The following RYR1 variants were observed in gnomAD, a reference collection of about 807,000 sequenced individuals.
The protein encoded by RYR1 is ryanodine receptor 1, also known as central core disease of muscle.
In RYR1, 342 loss-of-function variants were observed where a neutral mutation model predicts 583.5. The ratio of observed to expected loss-of-function variants is 0.59; its 90% CI spans 0.54 to 0.64. The LOEUF is 0.64. Ranked by LOEUF, RYR1 falls within the 30% of genes least tolerant of loss-of-function variation. The probability of loss-of-function intolerance (pLI) is 0.00; values close to 1 mark genes in which losing one functional copy is unlikely to be tolerated. For synonymous variants in RYR1, 2,791 were observed against 2,822.5 expected (o/e 0.99, Z 0.35); for missense variants, 6,032 against 6,917.2 (o/e 0.87, Z 4.54).
At chr19:38,502,427 T>C in intron 47 of RYR1, 80 bp from the exon 48 acceptor site, 1 of 1,355,028 alleles carries the variant, frequency 7.4e-7, no homozygotes, top group South Asian at 1.2e-5. Flanking sequence ...TTGGATCCTT[T>C]GGCCACAGTC....
At chr19:38,471,296 A>G (rs1049467884) in intron 27 of RYR1, among the ~76,000 whole-genome samples, 50 of 152,332 alleles carry the variant, frequency 3.3e-4, no homozygotes, top group African/African-American at 1.2e-3. Context: ...TGGGAAGCCA[A>G]GGTGGGAGGA....
chr19:38,513,292 G>A (rs1236842965), intron 63 of RYR1, among the ~76,000 whole-genome samples: 7 of 151,898 alleles, frequency 4.6e-5, no homozygotes, highest in East Asian at 1.9e-4. Context: ...CACCAAGATC[G>A]TGCCATTGCA....
chr19:38,528,925 TCCC>T (rs35331079), intron 75 of RYR1, 23 bp from the exon 76 acceptor site: 1 of 1,599,988 alleles, frequency 6.3e-7, no homozygotes, highest in African/African-American at 1.3e-5. Context: ...AGAAACCCTC[TCCC>T]CAAGTCTCCC....
intron 97 of RYR1, among the ~76,000 whole-genome samples, chr19:38,577,530 C>T (rs890836488): frequency 6.6e-5 from 10 of 152,080 alleles, no homozygotes; most frequent in African/African-American, 2.2e-4. Flanking sequence ...GGCACGGTGG[C>T]TCACGCCTGT....
intron 60 of RYR1, 32 bp from the exon 61 acceptor site, chr19:38,511,529 C>G (rs778855657): frequency 3.1e-6 from 5 of 1,612,800 alleles, no homozygotes; most frequent in Non-Finnish European, 4.2e-6. Context: ...CTCGCTGTTT[C>G]TCCTGCCTTC....
chr19:38,508,283 C>T (rs1046418513), intron 58 of RYR1, among the ~76,000 whole-genome samples: 13 of 152,050 alleles, frequency 8.5e-5, no homozygotes, highest in Admixed American at 1.3e-4. Flanking sequence ...GGTCTCGGCT[C>T]ACTGCAACCT....
In RYR1 at chr19:38,493,882, G is replaced by A. The variant is rs147724887; in HGVS notation, c.6275-470G>A. On this transcript the variant is annotated intron_variant, in intron 38 of 105. Transcript: ENST00000359596. ...ACATGTGCCTTCAAAGGTGCATGGC[G>A]AAGTGCTTCTGGTCGGCTCTGGTAT... Among the ~76,000 whole-genome samples the A allele has an allele frequency of 1.6e-3, 246 of 152,252 alleles. 1 individual carries two copies. The highest frequency in any genetic ancestry group is 5.7e-3 in the African/African-American group (237 of 41,538).
intron 69 of RYR1, 41 bp from the exon 70 acceptor site, chr19:38,523,874 G>A (rs1033375129): frequency 1.2e-6 from 2 of 1,613,836 alleles, no homozygotes; most frequent in Non-Finnish European, 1.7e-6. Flanking sequence ...TGCGGGGCTG[G>A]GGTAACCCTT....
intron 69 of RYR1, 152 bp from the exon 70 acceptor site, chr19:38,523,763 C>T (rs898747103): frequency 4.2e-6 from 4 of 959,084 alleles, no homozygotes; most frequent in South Asian, 1.4e-5. Context: ...AACGACCCCC[C>T]ACCCCGAGCC....
At position 38,537,880 on chromosome 19, in the gene RYR1, G is replaced by A. The variant is rs1249167528; in HGVS notation, c.11609G>A (p.Gly3870Glu). 6.2e-7 allele frequency: 1 copy of A among 1,612,154 alleles called. No individual in the cohort carries two copies. The highest frequency in any genetic ancestry group is 8.5e-7 in the Non-Finnish European group (1 of 1,179,006). The change falls in exon 84 of 106, where the codon GGA becomes GAA. Residue 3870 changes from glycine to glutamate, a missense_variant and splice_region_variant. By Grantham distance (98) the Gly-to-Glu change is moderately conservative. Coordinates refer to ENST00000359596, the MANE Select transcript of RYR1 (RefSeq NM_000540.3). ...EDGTVINRQNGEKVMADDEFT... is the reference protein window; with the variant it reads ...EDGTVINRQNEEKVMADDEFT... ...GCCCTGTCCCCTCCCTTCCACCTAG[G>A]AGAGAAGGTCATGGCGGATGATGAA... is the stretch of plus-strand genomic sequence containing the variant.
At chr19:38,457,731 A>G (rs767326537) in intron 17 of RYR1, 101 bp downstream of exon 17, 11 of 1,257,334 alleles carry the variant, frequency 8.7e-6, no homozygotes, top group Non-Finnish European at 1.0e-5. Flanking sequence ...TTAATCTCCC[A>G]CCCCAGGGTT....
chr19:38,501,358 C>T (rs1380182752), intron 47 of RYR1, among the ~76,000 whole-genome samples: 5 of 152,090 alleles, frequency 3.3e-5, no homozygotes, highest in East Asian at 1.9e-4. Context: ...ATTAGCCAGA[C>T]GTGGTGGCGC....
rs555897849 is a variant in RYR1 at position 38,536,633 on chromosome 19, C to G, written c.11591-117C>G. On this transcript the variant is annotated intron_variant, in intron 82 of 105. Transcript: ENST00000359596. ...CTCTCTGTGGGTTGTTCCTCTCTCTCTGTGTGTCTTTCTGTGTCTCTGTCC... is the reference window on the plus strand; with the variant it reads ...CTCTCTGTGGGTTGTTCCTCTCTCTGTGTGTGTCTTTCTGTGTCTCTGTCC... The G allele has an allele frequency of 7.3e-5, 88 of 1,197,542 alleles. 1 individual carries two copies. The Middle Eastern group carries it at 1.1e-3, about 15-fold the overall frequency. The allele number at this position is 1,197,542 out of a possible 1,614,324, so 74.2% of individuals were successfully genotyped here.
At position 38,486,133 on chromosome 19, in the gene RYR1, T is replaced by C. The variant is rs781501263; in HGVS notation, c.5478T>C (p.Ala1826=). The C allele has an allele frequency of 6.2e-7, 1 of 1,613,148 alleles. No individual in the cohort carries two copies. The highest frequency in any genetic ancestry group is 1.1e-5 in the South Asian group (1 of 91,080). The change falls in exon 34 of 106, where the codon GCT becomes GCC. Residue 1826 remains alanine, a synonymous_variant. Coordinates refer to ENST00000359596, the MANE Select transcript of RYR1 (RefSeq NM_000540.3). ...GEAVRDGGQH[A]RDPVGGSVEF... Reference sequence around the variant, plus strand: ...CGGTGCGCGACGGTGGGCAGCACGCTCGCGACCCCGTCGGGGGCTCCGTGG... The same window carrying C: ...CGGTGCGCGACGGTGGGCAGCACGCCCGCGACCCCGTCGGGGGCTCCGTGG...
chr19:38,535,529 G>A (rs1971928200), intron 81 of RYR1, 137 bp downstream of exon 81: 2 of 748,360 alleles, frequency 2.7e-6, no homozygotes, highest in African/African-American at 3.5e-5. Flanking sequence ...AAATAACAGG[G>A]AATTTATTAT....
At chr19:38,501,925 G>T (rs35335410) in intron 47 of RYR1, among the ~76,000 whole-genome samples, 4,834 of 152,184 alleles carry the variant, frequency 0.032, 104 homozygotes, top group Admixed American at 0.048. Flanking sequence ...CATTGAGGCT[G>T]CAGTGAACCA....
intron 17 of RYR1, 122 bp from the exon 18 acceptor site, chr19:38,457,929 C>G (rs1967503342): frequency 9.6e-7 from 1 of 1,040,566 alleles, no homozygotes; most frequent in African/African-American, 1.6e-5. Context: ...TGTCTTTCTC[C>G]CTGTCTCTCT....
intron 33 of RYR1, among the ~76,000 whole-genome samples, chr19:38,484,137 C>T (rs893297808): frequency 8.6e-5 from 13 of 151,952 alleles, no homozygotes; most frequent in Non-Finnish European, 1.8e-4. Flanking sequence ...ACTAAAAATA[C>T]AAAAATTAGC....
At chr19:38,502,844 G>A (rs199987776) in intron 48 of RYR1, 36 bp from the exon 49 acceptor site, 7 of 1,599,002 alleles carry the variant, frequency 4.4e-6, no homozygotes, top group Non-Finnish European at 5.9e-6. Flanking sequence ...AGCGGGCCTG[G>A]ACGGGGGATT....
Sources: gnomAD v4.1 joint callset for allele counts (sites outside exome capture counted in the v4.1 genomes callset) on GRCh38, gnomAD v4.1.1 for gene constraint, MANE v1.5 for transcripts, NCBI Gene and HGNC (gene_info 2026-07-23, HGNC 2026-07-21) for gene names.